ABCA5: variants seen among roughly 807,000 people sequenced by gnomAD.
ABCA5 encodes ATP binding cassette subfamily A member 5.
A neutral mutation model predicts 206.0 loss-of-function variants in ABCA5; 163 were observed. That is an observed-to-expected ratio of 0.79 (90% CI 0.70 to 0.90). The LOEUF is 0.90. Among genes scored for constraint, ABCA5 ranks in the 40% least tolerant of loss-of-function variants. The probability of loss-of-function intolerance (pLI) is 0.00; values close to 1 mark genes in which losing one functional copy is unlikely to be tolerated. For synonymous variants in ABCA5, 609 were observed against 613.8 expected (o/e 0.99, Z 0.11); for missense variants, 1,859 against 1,912.9 (o/e 0.97, Z 0.53).
At position 69,294,725 on chromosome 17, in the gene ABCA5, A is replaced by G. The variant is rs758448557; in HGVS notation, c.1437-12T>C. 6.4e-7 allele frequency: 1 copy of G among 1,568,154 alleles called. No homozygotes were observed. The highest frequency in any genetic ancestry group is 8.7e-7 in the Non-Finnish European group (1 of 1,146,944). On this transcript the variant is annotated splice_polypyrimidine_tract_variant and intron_variant, in intron 10 of 38. Coordinates refer to ENST00000392676, the MANE Select transcript of ABCA5 (RefSeq NM_172232.4). ...GAATACCACTAATTCTGAAATATAA[A>G]GTTTTATATTTTAAGTATTTAAAGC... is the stretch of plus-strand genomic sequence containing the variant.
chr17:69,286,438 T>G, intron 15 of ABCA5, 127 bp from the exon 16 acceptor site: 1 of 808,450 alleles, frequency 1.2e-6, no homozygotes, highest in Non-Finnish European at 1.9e-6. Flanking sequence ...ACAAAAAGTC[T>G]TATGAGGATG....
chr17:69,272,606 A>C (rs537580038), intron 20 of ABCA5, among the ~76,000 whole-genome samples: 1 of 152,196 alleles, frequency 6.6e-6, no homozygotes, highest in Non-Finnish European at 1.5e-5. Flanking sequence ...TATATTAGCA[A>C]TATAAAATGT....
intron 25 of ABCA5, 60 bp from the exon 26 acceptor site, chr17:69,261,319 G>C: frequency 5.4e-6 from 8 of 1,477,346 alleles, no homozygotes; most frequent in Non-Finnish European, 7.4e-6. Flanking sequence ...TTACAAATTG[G>C]TGTCTACGCA....
At position 69,292,030 on chromosome 17, in the gene ABCA5, G is replaced by A. The variant is rs893100415; in HGVS notation, c.1496-704C>T. On this transcript the variant is annotated intron_variant, in intron 11 of 38. Transcript: ENST00000392676. ...AGGCTGAGGTGGGAGAATCACCTGA[G>A]CTTGGGAAGTCAGGGCTATGATAAG... 2.0e-5 allele frequency among the ~76,000 whole-genome samples: 3 copies of A among 152,090 alleles called. No homozygotes were observed. The South Asian group carries it at 6.2e-4, about 32-fold the overall frequency.
chr17:69,248,052 A>G (rs1262047348), intron 38 of ABCA5, among the ~76,000 whole-genome samples: 1 of 152,116 alleles, frequency 6.6e-6, no homozygotes, highest in East Asian at 1.9e-4. Flanking sequence ...TGATTTGTCA[A>G]TTTAAAATAA....
chr17:69,293,974 C>T (rs1219464749), intron 11 of ABCA5, among the ~76,000 whole-genome samples: 1 of 151,686 alleles, frequency 6.6e-6, no homozygotes, highest in Non-Finnish European at 1.5e-5. Flanking sequence ...CAGTTCTTCA[C>T]AACAAAGAAT....
intron 1 of ABCA5, among the ~76,000 whole-genome samples, chr17:69,322,089 C>T (rs966654228): frequency 1.3e-5 from 2 of 151,992 alleles, no homozygotes; most frequent in Non-Finnish European, 1.5e-5. Flanking sequence ...CTGGTTACTA[C>T]GGCCAGGCAC....
chr17:69,269,853 G>A (rs2075253344), intron 22 of ABCA5, among the ~76,000 whole-genome samples: 1 of 152,122 alleles, frequency 6.6e-6, no homozygotes, highest in African/African-American at 2.4e-5. Flanking sequence ...TATATAAAAT[G>A]TCTAAAATAA....
rs1489025501 is a variant in ABCA5 at position 69,250,692 on chromosome 17, AACT to A, written c.4536-74_4536-72del. The A allele has an allele frequency of 7.6e-5, 89 of 1,167,688 alleles. No individual in the cohort carries two copies. In the Middle Eastern group the frequency reaches 1.5e-3, roughly 20 times the overall value. The allele number at this position is 1,167,688 out of a possible 1,614,324, so 72.3% of individuals were successfully genotyped here. A position where few individuals can be genotyped will look rare whatever the true frequency, so the allele number is the denominator to read the frequency against. Reference sequence around the variant, plus strand: ...TCAAAGAATAATCTCTCACACATATAACTACATTTTAAAAAAATATACCTTTAT... The same window carrying A: ...TCAAAGAATAATCTCTCACACATATAACATTTTAAAAAAATATACCTTTAT... On this transcript the variant is annotated intron_variant, in intron 35 of 38. Coordinates refer to ENST00000392676, the MANE Select transcript of ABCA5 (RefSeq NM_172232.4).
At position 69,291,211 on chromosome 17, in the gene ABCA5, C is replaced by A; in HGVS notation, c.1606+5G>T. Reference sequence around the variant, plus strand: ...GTTTTTTTTTCTTTAAGACAGAAAACTCACCATCAGAAGGTGGGCAGAGTC... The same window carrying A: ...GTTTTTTTTTCTTTAAGACAGAAAAATCACCATCAGAAGGTGGGCAGAGTC... On this transcript the variant is annotated splice_donor_5th_base_variant and intron_variant, in intron 12 of 38. Transcript: ENST00000392676. 1 of 1,549,706 alleles carries A rather than the reference C, an allele frequency of 6.5e-7. No homozygotes were observed. The highest frequency in any genetic ancestry group is 8.7e-7 in the Non-Finnish European group (1 of 1,143,974).
At chr17:69,256,011 A>G (rs1415212338) in intron 29 of ABCA5, 146 bp downstream of exon 29, 8 of 1,207,448 alleles carry the variant, frequency 6.6e-6, no homozygotes, top group Non-Finnish European at 6.8e-6. Flanking sequence ...CTTATTCAAA[A>G]GTAAGTAAAC....
intron 23 of ABCA5, among the ~76,000 whole-genome samples, chr17:69,267,318 A>C (rs77991318): frequency 6.6e-6 from 1 of 152,206 alleles, no homozygotes; most frequent in Non-Finnish European, 1.5e-5. Flanking sequence ...GTAAGATATA[A>C]TCTCAGCAGA....
intron 12 of ABCA5, 84 bp from the exon 13 acceptor site, chr17:69,290,121 G>C (rs2075509739): frequency 1.1e-6 from 1 of 939,934 alleles, no homozygotes; most frequent in Non-Finnish European, 1.5e-6. Context: ...TTAGTTATTT[G>C]GTTATAACAG....
chr17:69,250,092 T>C (rs2074994704), intron 36 of ABCA5, 108 bp from the exon 37 acceptor site: 5 of 740,968 alleles, frequency 6.7e-6, no homozygotes, highest in Non-Finnish European at 9.9e-6. Context: ...ATAACTTATT[T>C]TGGTATTTAG....
Position 69,272,446 on chromosome 17 carries a change from G to A in ABCA5, c.2765-1157C>T, listed in dbSNP as rs533144111. 2.6e-5 allele frequency among the ~76,000 whole-genome samples: 4 copies of A among 151,798 alleles called. No homozygotes were observed. In the South Asian group the frequency reaches 8.3e-4, roughly 32 times the overall value. On this transcript the variant is annotated intron_variant, in intron 20 of 38. Coordinates refer to ENST00000392676, the MANE Select transcript of ABCA5 (RefSeq NM_172232.4). ...ATTAAGAGACAAACTGAAAATACTA[G>A]AATTTCTGCAGATCAATGAGAATTA...
chr17:69,298,281 AAGGG>A (rs370544910), intron 9 of ABCA5, among the ~76,000 whole-genome samples: 2,369 of 107,236 alleles, frequency 0.022, 175 homozygotes, highest in African/African-American at 0.033. Context: ...GGAAGGAAGG[AAGGG>A]AGGGAGGGGA....
At chr17:69,258,111 C>T (rs942953104) in intron 28 of ABCA5, among the ~76,000 whole-genome samples, 1 of 151,832 alleles carries the variant, frequency 6.6e-6, no homozygotes, top group Non-Finnish European at 1.5e-5. Flanking sequence ...AAATGTTATT[C>T]GTTACCAAAC....
intron 1 of ABCA5, among the ~76,000 whole-genome samples, chr17:69,324,085 T>C (rs1292577329): frequency 6.6e-6 from 1 of 152,208 alleles, no homozygotes; most frequent in African/African-American, 2.4e-5. Context: ...TCTGGCACTT[T>C]ACAAAAAACG....
chr17:69,297,876 A>G (rs891287650), intron 9 of ABCA5, among the ~76,000 whole-genome samples: 1 of 152,138 alleles, frequency 6.6e-6, no homozygotes, highest in African/African-American at 2.4e-5. Context: ...GGATAGAAAT[A>G]TGAGACTTAG....
Sources: allele counts gnomAD v4.1 joint callset (sites outside exome capture counted in the v4.1 genomes callset), GRCh38; gene constraint gnomAD v4.1.1; transcripts MANE v1.5; gene names NCBI Gene and HGNC (gene_info 2026-07-23, HGNC 2026-07-21).